Variants in ERP29 observed in about 807,000 individuals in gnomAD.
The protein encoded by ERP29 is endoplasmic reticulum protein 29.
Under a neutral mutation model 21.7 loss-of-function variants are expected in ERP29, and 14 were observed. The observed-to-expected ratio is 0.64, with a 90% CI of 0.43 to 1.01. ERP29 has a LOEUF of 1.01. Among genes scored for constraint, ERP29 ranks in the 50% least tolerant of loss-of-function variants. The pLI is 0.00. For synonymous variants in ERP29, 129 were observed against 139.1 expected (o/e 0.93, Z 0.51); for missense variants, 286 against 327.3 (o/e 0.87, Z 0.97).
chr12:112,020,709 GTAACTCCC>G (rs2078040242), intron 2 of ERP29, among the ~76,000 whole-genome samples: 1 of 152,096 alleles, frequency 6.6e-6, no homozygotes, highest in Admixed American at 6.5e-5. Flanking sequence ...TCAACTTCAG[GTAACTCCC>G]TTGGTGCTTT....
Position 112,013,631 on chromosome 12 carries a change from G to A in ERP29, c.144+22G>A, listed in dbSNP as rs1237917288. The A allele has an allele frequency of 2.0e-6, 3 of 1,519,288 alleles. No homozygotes were observed. The African/African-American group carries it at 4.2e-5, about 21-fold the overall frequency. 94.1% of individuals were successfully genotyped at this position (1,519,288 alleles called of 1,614,324 possible). On this transcript the variant is annotated intron_variant, in intron 1 of 2. Coordinates refer to ENST00000261735, the MANE Select transcript of ERP29 (RefSeq NM_006817.4). ...CAAGGTAACCGGGGCGGGGGACGTC[G>A]CGCGCAGGTGCCGCCGGGGCGCCCG...
At chr12:112,014,316 C>G (rs1458341155) in intron 1 of ERP29, among the ~76,000 whole-genome samples, 1 of 152,184 alleles carries the variant, frequency 6.6e-6, no homozygotes, top group Non-Finnish European at 1.5e-5. Flanking sequence ...CATAGGAGCA[C>G]GACCTTTATT....
intron 1 of ERP29, chr12:112,019,419 A>G (rs2078031272): frequency 2.9e-6 from 1 of 349,228 alleles, no homozygotes; most frequent in African/African-American, 2.1e-5. Context: ...TGAGCATGAC[A>G]GGGGCTGATG....
At chr12:112,019,686 C>A (rs927859370) in intron 1 of ERP29, 70 bp from the exon 2 acceptor site, 12 of 1,582,708 alleles carry the variant, frequency 7.6e-6, no homozygotes, top group Non-Finnish European at 1.0e-5. Flanking sequence ...TAAACAGGGG[C>A]CCCTTGGGAA....
At position 112,019,831 on chromosome 12, in the gene ERP29, A is replaced by G. The variant is rs2078034472; in HGVS notation, c.220A>G (p.Lys74Glu). The change falls in exon 2 of 3, where the codon AAG (lysine) becomes GAG (glutamate). Residue 74 changes from lysine to glutamate, a missense_variant. By Grantham distance (56) the Lys-to-Glu change is moderately conservative. Coordinates refer to ENST00000261735, the MANE Select transcript of ERP29 (RefSeq NM_006817.4). Reference protein sequence around the residue: ...YPYGEKQDEFKRLAENSASSD... With the variant: ...YPYGEKQDEFERLAENSASSD... ...CTACGGTGAGAAGCAGGATGAGTTC[A>G]AGCGTCTTGCTGAAAACTCGGCTTC... 1.2e-6 allele frequency: 2 copies of G among 1,613,980 alleles called. No homozygotes were observed. The highest frequency in any genetic ancestry group is 2.2e-5 in the South Asian group (2 of 91,060).
chr12:112,021,840 T>A (rs1320597217), intron 2 of ERP29, among the ~76,000 whole-genome samples: 2 of 152,148 alleles, frequency 1.3e-5, no homozygotes, highest in Non-Finnish European at 2.9e-5. Flanking sequence ...TTAATACTCT[T>A]AATCACAAGT....
chr12:112,019,953 C>G, intron 2 of ERP29, 59 bp downstream of exon 2: 2 of 1,599,374 alleles, frequency 1.3e-6, no homozygotes, highest in Non-Finnish European at 1.7e-6. Context: ...GAAATCGTTT[C>G]CCTACTTGGA....
chr12:112,022,702 GTT>G lies in ERP29; in HGVS notation c.*51_*52del. Reference sequence around the variant, plus strand: ...GTTTGGTGGGGGTAGGGAGGGGAGAGTTAACCTGCTGGCTGTGAGTCCCTTGT... The same window carrying G: ...GTTTGGTGGGGGTAGGGAGGGGAGAGAACCTGCTGGCTGTGAGTCCCTTGT... On this transcript the variant is annotated 3_prime_UTR_variant, in exon 3 of 3. Transcript: ENST00000261735. 1 of 1,537,920 alleles carries G rather than the reference GTT, an allele frequency of 6.5e-7. No individual in the cohort carries two copies. The highest frequency in any genetic ancestry group is 8.7e-7 in the Non-Finnish European group (1 of 1,144,824).
intron 1 of ERP29, chr12:112,014,816 G>A (rs2077992816): frequency 6.6e-6 from 1 of 152,238 alleles, no homozygotes; most frequent in Admixed American, 6.5e-5. Context: ...TCCAGTGGTT[G>A]AAGTCTCCTA....
chr12:112,022,664 G>A lies in ERP29; in HGVS notation c.*12G>A. On this transcript the variant is annotated 3_prime_UTR_variant, in exon 3 of 3. Transcript: ENST00000261735. ...AAGAGGAGCTGTAAAAAGGCTGTCTGTGATTTTCCAGGGTTTGGTGGGGGT... is the reference window on the plus strand; with the variant it reads ...AAGAGGAGCTGTAAAAAGGCTGTCTATGATTTTCCAGGGTTTGGTGGGGGT... 6.3e-7 allele frequency: 1 copy of A among 1,592,358 alleles called. No homozygotes were observed. Among genetic ancestry groups the A allele is most frequent in the Non-Finnish European group, 8.6e-7 (1 of 1,169,336 alleles).
At chr12:112,018,087 G>C (rs2078024203) in intron 1 of ERP29, among the ~76,000 whole-genome samples, 1 of 151,728 alleles carries the variant, frequency 6.6e-6, no homozygotes, top group African/African-American at 2.4e-5. Context: ...GCCCAGTCCA[G>C]AACATTGTAT....
At chr12:112,020,546 C>G (rs2078039397) in intron 2 of ERP29, among the ~76,000 whole-genome samples, 1 of 152,152 alleles carries the variant, frequency 6.6e-6, no homozygotes, top group South Asian at 2.1e-4. Flanking sequence ...AGAGCTCCAC[C>G]TAAGTGTTTA....
intron 1 of ERP29, 40 bp downstream of exon 1, chr12:112,013,649 G>A: frequency 6.7e-7 from 1 of 1,503,576 alleles, no homozygotes; most frequent in East Asian, 2.5e-5. Flanking sequence ...GTGCCGCCGG[G>A]GCGCCCGGAA....
intron 1 of ERP29, among the ~76,000 whole-genome samples, chr12:112,018,134 A>AT (rs974580208): frequency 3.7e-4 from 55 of 148,448 alleles, no homozygotes; most frequent in East Asian, 2.0e-4. Context: ...GCTTGACATA[A>AT]TTTTTTTTTT....
intron 1 of ERP29, among the ~76,000 whole-genome samples, chr12:112,017,081 G>T (rs1275172620): frequency 1.3e-5 from 2 of 152,048 alleles, no homozygotes; most frequent in Non-Finnish European, 2.9e-5. Context: ...ACAAGTGCAG[G>T]CCCTTGAAAG....
At chr12:112,018,914 A>G (rs964079388) in intron 1 of ERP29, 9 of 152,386 alleles carry the variant, frequency 5.9e-5, no homozygotes, top group African/African-American at 1.7e-4. Context: ...ACAAAAGGGC[A>G]CATATTGTAC....
intron 1 of ERP29, among the ~76,000 whole-genome samples, chr12:112,017,749 C>G (rs1011322561): frequency 6.7e-6 from 1 of 148,932 alleles, no homozygotes; most frequent in African/African-American, 2.5e-5. Flanking sequence ...CTGTAAAGGA[C>G]AAAGACTAAC....
rs762877061 is a variant in ERP29, at chr12:112,022,697, G to A, written c.*45G>A. On this transcript the variant is annotated 3_prime_UTR_variant, in exon 3 of 3. Coordinates refer to ENST00000261735, the MANE Select transcript of ERP29 (RefSeq NM_006817.4). ...CCAGGGTTTGGTGGGGGTAGGGAGGGGAGAGTTAACCTGCTGGCTGTGAGT... is the reference window on the plus strand; with the variant it reads ...CCAGGGTTTGGTGGGGGTAGGGAGGAGAGAGTTAACCTGCTGGCTGTGAGT... 7 of 1,553,900 alleles carry A rather than the reference G, an allele frequency of 4.5e-6. No homozygotes were observed. Among genetic ancestry groups the A allele is most frequent in the Non-Finnish European group, 5.2e-6 (6 of 1,153,666 alleles).
intron 1 of ERP29, among the ~76,000 whole-genome samples, chr12:112,015,665 G>T (rs774006766): frequency 1.3e-5 from 2 of 152,036 alleles, no homozygotes; most frequent in African/African-American, 4.8e-5. Context: ...GAAACTTTGC[G>T]CCATAAAGCT....
Sources: allele counts gnomAD v4.1 joint callset (sites outside exome capture counted in the v4.1 genomes callset), GRCh38; gene constraint gnomAD v4.1.1; transcripts MANE v1.5; gene names NCBI Gene and HGNC (gene_info 2026-07-23, HGNC 2026-07-21).